Variants in PCMTD1 observed in about 807,000 individuals in gnomAD.
PCMTD1 encodes the protein protein-L-isoaspartate O-methyltransferase domain-containing protein 1.
PCMTD1 carries 12 observed loss-of-function variants against 37.6 expected under a neutral mutation model. The ratio of observed to expected loss-of-function variants is 0.32; its 90% CI spans 0.20 to 0.52. The LOEUF (loss-of-function observed/expected upper bound fraction) is 0.52, where lower values mean the gene tolerates loss of function less well. PCMTD1 is among the 20% of genes least tolerant of loss of function. The pLI is 0.97. For synonymous variants in PCMTD1, 117 were observed against 135.8 expected, an observed-to-expected ratio of 0.86 and a Z score of 0.96; for missense variants, 235 against 421.3, an observed-to-expected ratio of 0.56 and a Z score of 3.87.
intron 1 of PCMTD1, among the ~76,000 whole-genome samples, chr8:51,861,536 G>A (rs1338955592): frequency 6.6e-6 from 1 of 151,986 alleles, no homozygotes; most frequent in Non-Finnish European, 1.5e-5. Context: ...AGTCACACAT[G>A]GCTACCTAGA....
At chr8:51,897,278 GCTTT>G (rs1409729119) in intron 1 of PCMTD1, among the ~76,000 whole-genome samples, 2 of 152,184 alleles carry the variant, frequency 1.3e-5, no homozygotes, top group Admixed American at 1.3e-4. Context: ...GAATTTCCTA[GCTTT>G]CTGTCTTACT....
At chr8:51,874,394 GA>G (rs1305782538) in intron 1 of PCMTD1, among the ~76,000 whole-genome samples, 18 of 148,978 alleles carry the variant, frequency 1.2e-4, no homozygotes, top group Admixed American at 2.0e-4. Flanking sequence ...ACCAAGTTAA[GA>G]AAGACTCAGG....
At chr8:51,848,170 CATAG>C (rs1306099375) in intron 2 of PCMTD1, among the ~76,000 whole-genome samples, 3 of 151,820 alleles carry the variant, frequency 2.0e-5, no homozygotes, top group African/African-American at 7.3e-5. Flanking sequence ...ACCAGGGCTG[CATAG>C]ATAGGAGTTC....
At chr8:51,841,291 TTCATTAC>T (rs1047516449) in intron 3 of PCMTD1, among the ~76,000 whole-genome samples, 1 of 152,294 alleles carries the variant, frequency 6.6e-6, no homozygotes, top group Admixed American at 6.5e-5. Flanking sequence ...CATTATTGTT[TTCATTAC>T]TCATATCATG....
At chr8:51,830,676 C>T (rs1273557649) in intron 5 of PCMTD1, among the ~76,000 whole-genome samples, 1 of 152,166 alleles carries the variant, frequency 6.6e-6, no homozygotes, top group Non-Finnish European at 1.5e-5. Flanking sequence ...GGACCTTATG[C>T]CTGATCTGGG....
At chr8:51,831,394 C>A in intron 5 of PCMTD1, 50 bp downstream of exon 5, 2 of 1,559,884 alleles carry the variant, frequency 1.3e-6, no homozygotes, top group South Asian at 1.2e-5. Flanking sequence ...AGCATAAAAG[C>A]CAAACACCAT....
chr8:51,863,159 G>A (rs186439410), intron 1 of PCMTD1, among the ~76,000 whole-genome samples: 4 of 152,190 alleles, frequency 2.6e-5, no homozygotes, highest in Admixed American at 2.6e-4. Flanking sequence ...TCAGTATCCA[G>A]TGTGGCATTT....
intron 5 of PCMTD1, among the ~76,000 whole-genome samples, chr8:51,821,740 G>GTT (rs1162378729): frequency 8.2e-5 from 12 of 147,070 alleles, no homozygotes; most frequent in African/African-American, 3.1e-4. Context: ...TTCTGGTTTT[G>GTT]TTTTTTTTTT....
intron 1 of PCMTD1, among the ~76,000 whole-genome samples, chr8:51,880,148 TACAATA>T (rs2038771759): frequency 6.6e-6 from 1 of 150,832 alleles, no homozygotes; most frequent in Non-Finnish European, 1.5e-5. Context: ...TACAGTGAGC[TACAATA>T]GCACCACTGC....
intron 3 of PCMTD1, among the ~76,000 whole-genome samples, chr8:51,840,366 G>A (rs961453080): frequency 2.6e-5 from 4 of 152,192 alleles, no homozygotes; most frequent in Non-Finnish European, 4.4e-5. Flanking sequence ...ACATATAACC[G>A]ATAGTCCTGA....
chr8:51,864,228 T>G (rs118154041), intron 1 of PCMTD1, among the ~76,000 whole-genome samples: 1 of 152,206 alleles, frequency 6.6e-6, no homozygotes, highest in East Asian at 1.9e-4. Context: ...TAAATATATA[T>G]GCAGTCAATA....
intron 5 of PCMTD1, chr8:51,827,446 G>A: frequency 2.3e-6 from 1 of 437,964 alleles, no homozygotes; most frequent in African/African-American, 2.1e-5. Flanking sequence ...TAGTATAATT[G>A]CATGCTATCC....
At chr8:51,860,814 T>A in intron 2 of PCMTD1, 31 bp downstream of exon 2, 1 of 1,515,272 alleles carries the variant, frequency 6.6e-7, no homozygotes, top group South Asian at 1.3e-5. Context: ...GGCTTATTTT[T>A]TAAAATAGAA....
chr8:51,833,974 T>C (rs932958443), intron 3 of PCMTD1, among the ~76,000 whole-genome samples: 2 of 152,118 alleles, frequency 1.3e-5, no homozygotes, highest in Non-Finnish European at 2.9e-5. Context: ...GAAAAGTCCA[T>C]CACAACCTCA....
intron 3 of PCMTD1, among the ~76,000 whole-genome samples, chr8:51,839,273 G>T (rs1477388764): frequency 6.6e-6 from 1 of 151,980 alleles, no homozygotes; most frequent in Non-Finnish European, 1.5e-5. Context: ...ATTTAAACCT[G>T]AAAATCCAAT....
intron 5 of PCMTD1, chr8:51,827,200 G>A: frequency 1.8e-6 from 2 of 1,137,900 alleles, no homozygotes; most frequent in South Asian, 1.8e-5. Flanking sequence ...ACTATATGAA[G>A]CTTTTATTTT....
chr8:51,830,300 CA>C (rs1210850577), intron 5 of PCMTD1, among the ~76,000 whole-genome samples: 1 of 152,204 alleles, frequency 6.6e-6, no homozygotes, highest in African/African-American at 2.4e-5. Context: ...GAGGGGTCTC[CA>C]TTTATAACTT....
chr8:51,830,949 A>G (rs2129275538), intron 5 of PCMTD1, among the ~76,000 whole-genome samples: 2 of 151,888 alleles, frequency 1.3e-5, no homozygotes, highest in Admixed American at 1.3e-4. Context: ...TTATGTTTCC[A>G]TGAAGGTAGC....
At chr8:51,846,069 T>C (rs1429577851) in intron 2 of PCMTD1, among the ~76,000 whole-genome samples, 2 of 152,136 alleles carry the variant, frequency 1.3e-5, no homozygotes, top group Non-Finnish European at 2.9e-5. Flanking sequence ...GCCAAAAGAA[T>C]AGTATTTCTA....
Sources: gnomAD v4.1 joint callset for allele counts (sites outside exome capture counted in the v4.1 genomes callset) on GRCh38, gnomAD v4.1.1 for gene constraint, MANE v1.5 for transcripts, NCBI Gene and HGNC (gene_info 2026-07-23, HGNC 2026-07-21) for gene names.